The following ZNF485 variants were observed in gnomAD, a reference collection of about 807,000 sequenced individuals.
ZNF485 encodes the protein Zinc finger protein 93 (Zinc finger protein HTF34).
ZNF485 carries 9 observed loss-of-function variants against 10.8 expected under a neutral mutation model. The ratio of observed to expected loss-of-function variants is 0.83; its 90% confidence interval spans 0.50 to 1.45. The LOEUF (loss-of-function observed/expected upper bound fraction) is 1.45, where lower values mean the gene tolerates loss of function less well. ZNF485 is among the 40% of genes most tolerant of loss of function. The pLI is 0.00. For synonymous variants in ZNF485, 187 were observed against 181.0 expected, an observed-to-expected ratio of 1.03 and a Z score of -0.27; for missense variants, 487 against 528.0, an observed-to-expected ratio of 0.92 and a Z score of 0.76.
intron 4 of ZNF485, among the ~76,000 whole-genome samples, chr10:43,615,708 T>C (rs1838845412): frequency 6.6e-6 from 1 of 152,190 alleles, no homozygotes; most frequent in African/African-American, 2.4e-5. Flanking sequence ...GGCATAGGTA[T>C]GTTGTTTTTT....
rs138879618 is a variant in ZNF485 at position 43,615,402 on chromosome 10, A to AT, written c.248-879dup. ...CACATAGTACACCCATTGATTGGTA[A>AT]TTTTTTTTTTGTTTTTTGAGACAGA... On this transcript the variant is annotated intron_variant, in intron 4 of 4. Transcript: ENST00000361807. Among the ~76,000 whole-genome samples, 23 of 149,704 alleles carry AT rather than the reference A, an allele frequency of 1.5e-4. No individual in the cohort carries two copies. In the East Asian group the frequency reaches 1.8e-3, roughly 11 times the overall value.
chr10:43,607,224 C>T lies in ZNF485; in HGVS notation c.24+150C>T, dbSNP rs1032490771. 8 of 842,628 alleles carry T rather than the reference C, an allele frequency of 9.5e-6. No individual in the cohort carries two copies. The African/African-American group carries it at 1.4e-4, about 14-fold the overall frequency. The allele number at this position is 842,628 out of a possible 1,614,324, so 52.2% of individuals were successfully genotyped here. On this transcript the variant is annotated intron_variant, in intron 2 of 4. Transcript: ENST00000361807. ...TCCCGCGATTTCCGTCCTGTCTACC[C>T]ATTACGTAGTCATTCACCAAGTAGA...
At chr10:43,610,262 A>G (rs768331546) in intron 4 of ZNF485, among the ~76,000 whole-genome samples, 11 of 151,990 alleles carry the variant, frequency 7.2e-5, no homozygotes, top group Admixed American at 2.0e-4. Flanking sequence ...TCTCTGTGCC[A>G]TAGTTCATTT....
At chr10:43,613,257 AATTATTGTCC>A (rs557901975) in intron 4 of ZNF485, among the ~76,000 whole-genome samples, 19 of 152,342 alleles carry the variant, frequency 1.2e-4, no homozygotes, top group African/African-American at 4.1e-4. Flanking sequence ...AATTCCTCCC[AATTATTGTCC>A]ATTCTCCTCC....
Position 43,616,535 on chromosome 10 carries a change from G to C in ZNF485, c.492G>C (p.Gly164=). 6.2e-7 allele frequency: 1 copy of C among 1,614,164 alleles called. No homozygotes were observed. Among genetic ancestry groups the C allele is most frequent in the Non-Finnish European group, 8.5e-7 (1 of 1,180,018 alleles). Residue 164 remains glycine (G), a synonymous_variant, in exon 5 of 5, where the codon GGG becomes GGC. Coordinates refer to ENST00000361807, the MANE Select transcript of ZNF485 (RefSeq NM_145312.4). ...AACCACATAAATGTAAAGAATGTGG[G>C]ATCGCCTTTATGAACAGTTCATCCC... ...SEKPHKCKEC[G]IAFMNSSSLL... is the part of the protein sequence containing the mutation.
rs552826440 is a variant in ZNF485 at position 43,616,190 on chromosome 10, C to G, written c.248-101C>G. ...GGACACATTAATAATTTTTCATAAC[C>G]TTTAGTTATGTAGAATAGAACATTA... is the stretch of plus-strand genomic sequence containing the variant. On this transcript the variant is annotated intron_variant, in intron 4 of 4. Transcript: ENST00000361807. 252 of 957,932 alleles carry G rather than the reference C, an allele frequency of 2.6e-4. 2 individuals carry two copies. In the South Asian group the frequency reaches 4.9e-3, roughly 19 times the overall value. 59.3% of individuals were successfully genotyped at this position (957,932 alleles called of 1,614,324 possible). A position where few individuals can be genotyped will look rare whatever the true frequency, so the allele number is the denominator to read the frequency against.
At chr10:43,607,587 T>TCAA (rs1838677752) in intron 2 of ZNF485, among the ~76,000 whole-genome samples, 1 of 152,234 alleles carries the variant, frequency 6.6e-6, no homozygotes, top group African/African-American at 2.4e-5. Context: ...AGTTTGCTTT[T>TCAA]ATCCTGGAGA....
Position 43,616,797 on chromosome 10 carries a change from G to T in ZNF485, c.754G>T (p.Ala252Ser). 6.2e-7 allele frequency: 1 copy of T among 1,613,760 alleles called. No homozygotes were observed. Among genetic ancestry groups the T allele is most frequent in the Non-Finnish European group, 8.5e-7 (1 of 1,179,936 alleles). ...ATGTAATGACTGTGGGAAAGCCTTC[G>T]CTCAGAATGCAGCTCTTACTCGTCA... ...YKCNDCGKAF[A>S]QNAALTRHER... The change falls in exon 5 of 5, where the codon GCT (alanine) becomes TCT (serine). Residue 252 changes from alanine to serine, a missense_variant. Physicochemically the swap from Ala to Ser is moderately conservative, Grantham distance 99. Coordinates refer to ENST00000361807, the MANE Select transcript of ZNF485 (RefSeq NM_145312.4).
intron 4 of ZNF485, among the ~76,000 whole-genome samples, chr10:43,615,082 A>G (rs1295025657): frequency 2.6e-5 from 4 of 152,230 alleles, no homozygotes; most frequent in African/African-American, 9.6e-5. Flanking sequence ...TTCACCTTCA[A>G]CTTACATTTC....
chr10:43,609,002 C>T (rs193263050), intron 3 of ZNF485, among the ~76,000 whole-genome samples: 1 of 152,184 alleles, frequency 6.6e-6, no homozygotes, highest in East Asian at 1.9e-4. Flanking sequence ...TCATCTGCCT[C>T]CCAAAATAGG....
Sources: gnomAD v4.1 joint callset for allele counts (sites outside exome capture counted in the v4.1 genomes callset) on GRCh38, gnomAD v4.1.1 for gene constraint, MANE v1.5 for transcripts, NCBI Gene and HGNC (gene_info 2026-07-23, HGNC 2026-07-21) for gene names.